The following ALDH1A3 variants were observed in gnomAD, a reference collection of about 807,000 sequenced individuals.
ALDH1A3 encodes the protein retinaldehyde dehydrogenase 3.
Under a neutral mutation model 57.5 loss-of-function variants are expected in ALDH1A3, and 28 were observed. The ratio of observed to expected loss-of-function variants is 0.49; its 90% confidence interval spans 0.36 to 0.67. ALDH1A3 has a LOEUF of 0.67. Among genes scored for constraint, ALDH1A3 ranks in the 30% least tolerant of loss-of-function variants. ALDH1A3 has a pLI of 0.00. For synonymous variants in ALDH1A3, 281 were observed against 264.8 expected (o/e 1.06, Z -0.59); for missense variants, 507 against 669.4 (o/e 0.76, Z 2.68).
At chr15:100,883,939 C>T (rs1350615940) in intron 1 of ALDH1A3, among the ~76,000 whole-genome samples, 1 of 152,184 alleles carries the variant, frequency 6.6e-6, no homozygotes, top group Non-Finnish European at 1.5e-5. Flanking sequence ...TTGAGGGACG[C>T]AATTCTTCCT....
At position 100,898,074 on chromosome 15, in the gene ALDH1A3, G is replaced by C. The variant is rs779992150; in HGVS notation, c.781-9G>C. 38 of 1,613,000 alleles carry C rather than the reference G, an allele frequency of 2.4e-5. No homozygotes were observed. The highest frequency in any genetic ancestry group is 3.2e-5 in the Non-Finnish European group (38 of 1,179,050). ...CAAGGTAAATTGTGATCTGTGTTCT[G>C]TCCTGGAGGTTGGAAAACTGGTTAA... On this transcript the variant is annotated splice_polypyrimidine_tract_variant and intron_variant, in intron 7 of 12. Coordinates refer to ENST00000329841, the MANE Select transcript of ALDH1A3 (RefSeq NM_000693.4).
chr15:100,907,910 A>G (rs1296948493), intron 11 of ALDH1A3, among the ~76,000 whole-genome samples: 1 of 122,738 alleles, frequency 8.1e-6, no homozygotes, highest in Admixed American at 1.1e-4. Flanking sequence ...GTGCAGTGGC[A>G]CACTCTCGGC....
At position 100,895,449 on chromosome 15, in the gene ALDH1A3, CAA is replaced by C. The variant is rs796542093; in HGVS notation, c.667-471_667-470del. On this transcript the variant is annotated intron_variant, in intron 6 of 12. Transcript: ENST00000329841. The stretch of plus-strand genomic sequence containing the variant: ...AGGGCGACAGAGCAAGACTCCATCT[CAA>C]AAAAAAAAAAAAGAAGAAAAAACAA... 669 of 131,682 alleles carry C rather than the reference CAA, an allele frequency of 5.1e-3. 10 individuals carry two copies. Among genetic ancestry groups the C allele is most frequent in the East Asian group, 0.026 (120 of 4,612 alleles). The allele number at this position is 131,682 out of a possible 1,614,324, so 8.2% of individuals were successfully genotyped here.
At chr15:100,897,575 C>T (rs1484962578) in intron 7 of ALDH1A3, among the ~76,000 whole-genome samples, 1 of 152,248 alleles carries the variant, frequency 6.6e-6, no homozygotes, top group Non-Finnish European at 1.5e-5. Flanking sequence ...TCCTTCTCAT[C>T]CGGAAGGCTG....
At chr15:100,886,088 G>A (rs1454438968) in intron 2 of ALDH1A3, among the ~76,000 whole-genome samples, 2 of 152,242 alleles carry the variant, frequency 1.3e-5, no homozygotes, top group Non-Finnish European at 2.9e-5. Context: ...GATGTTCTTG[G>A]TCAGCAAACT....
Position 100,908,398 on chromosome 15 carries a change from T to C in ALDH1A3, c.1392-10T>C. 6.2e-7 allele frequency: 1 copy of C among 1,612,838 alleles called. No individual in the cohort carries two copies. The highest frequency in any genetic ancestry group is 8.5e-7 in the Non-Finnish European group (1 of 1,178,910). ...CAGATGACTCTGAGCTTTCTTCCAT[T>C]CTTTTCTAGGATCAACTGCTACAAC... is the stretch of plus-strand genomic sequence containing the variant. On this transcript the variant is annotated splice_polypyrimidine_tract_variant and intron_variant, in intron 11 of 12. Coordinates refer to ENST00000329841, the MANE Select transcript of ALDH1A3 (RefSeq NM_000693.4).
At chr15:100,910,634 C>A (rs373628286) in intron 12 of ALDH1A3, among the ~76,000 whole-genome samples, 1 of 152,232 alleles carries the variant, frequency 6.6e-6, no homozygotes, top group Non-Finnish European at 1.5e-5. Context: ...TTGGACCCAC[C>A]GCAGTGCAGG....
Position 100,894,471 on chromosome 15 carries a change from C to G in ALDH1A3, c.666+389C>G, listed in dbSNP as rs541262692. The G allele has an allele frequency of 1.0e-5, 2 of 198,822 alleles. No individual in the cohort carries two copies. Among genetic ancestry groups the G allele is most frequent in the Admixed American group, 1.1e-4 (2 of 18,870 alleles). 12.3% of individuals were successfully genotyped at this position (198,822 alleles called of 1,614,324 possible). A position where few individuals can be genotyped will look rare whatever the true frequency, so the allele number is the denominator to read the frequency against. On this transcript the variant is annotated intron_variant, in intron 6 of 12. Transcript: ENST00000329841. The surrounding 1 kb of genome is among the most constrained non-coding windows in gnomAD (Gnocchi z 4.5). ...TTCTCTGGAGAGGTGGCCTCGTCAG[C>G]TCTAGCTGGGCGGCTGCAGCAGTCC...
intron 1 of ALDH1A3, among the ~76,000 whole-genome samples, chr15:100,882,186 C>T (rs983435104): frequency 3.3e-5 from 5 of 152,214 alleles, no homozygotes; most frequent in African/African-American, 1.2e-4. Context: ...CCATCTGAGC[C>T]CTAGCCCCGG....
chr15:100,889,428 C>T lies in ALDH1A3; in HGVS notation c.345+1716C>T, dbSNP rs2041627334. ...TCAGCCCGGCCAGTCCACATGTTCC[C>T]CGGGTGAGAGTAGCTCCCTCCCAGG... is the stretch of plus-strand genomic sequence containing the variant. On this transcript the variant is annotated intron_variant, in intron 3 of 12. Transcript: ENST00000329841. The surrounding 1 kb of genome is among the most constrained non-coding windows in gnomAD (Gnocchi z 5.1). Among the ~76,000 whole-genome samples the T allele has an allele frequency of 6.6e-6, 1 of 152,174 alleles. No homozygotes were observed. Among genetic ancestry groups the T allele is most frequent in the Admixed American group, 6.5e-5 (1 of 15,282 alleles).
chr15:100,909,744 G>C (rs2041865190), intron 12 of ALDH1A3, among the ~76,000 whole-genome samples: 1 of 152,340 alleles, frequency 6.6e-6, no homozygotes, highest in South Asian at 2.1e-4. Flanking sequence ...CAACCCGGGA[G>C]TGGAGATGTG....
At chr15:100,903,393 T>G (rs2041790738) in intron 9 of ALDH1A3, among the ~76,000 whole-genome samples, 1 of 152,226 alleles carries the variant, frequency 6.6e-6, no homozygotes, top group African/African-American at 2.4e-5. Flanking sequence ...CCTGCCTGAT[T>G]CTTTTTCACA....
Position 100,894,329 on chromosome 15 carries a change from T to C in ALDH1A3, c.666+247T>C, listed in dbSNP as rs918628975. 2.3e-5 allele frequency: 10 copies of C among 427,956 alleles called. No homozygotes were observed. Among genetic ancestry groups the C allele is most frequent in the Admixed American group, 7.8e-5 (2 of 25,742 alleles). The allele number at this position is 427,956 out of a possible 1,614,324, so 26.5% of individuals were successfully genotyped here. On this transcript the variant is annotated intron_variant, in intron 6 of 12. Coordinates refer to ENST00000329841, the MANE Select transcript of ALDH1A3 (RefSeq NM_000693.4). This position sits in a 1 kb window ranked among gnomAD's most constrained non-coding sequence, Gnocchi z 4.5. ...AACTCTTATTATGGGCTCAAACCTA[T>C]GGTTGAGGACCCAGTGGTTTGTCTA...
chr15:100,907,749 CCAGGAAG>C (rs1461640934), intron 11 of ALDH1A3, among the ~76,000 whole-genome samples: 1 of 151,918 alleles, frequency 6.6e-6, no homozygotes, highest in Non-Finnish European at 1.5e-5. Flanking sequence ...AATCATATAA[CCAGGAAG>C]CAGGAGAACT....
chr15:100,885,182 T>TA, intron 1 of ALDH1A3, 85 bp from the exon 2 acceptor site: 2 of 940,814 alleles, frequency 2.1e-6, no homozygotes, highest in Non-Finnish European at 3.4e-6. Context: ...ACAAGATGGA[T>TA]AAGACGTCAC....
chr15:100,886,782 C>T (rs138707372), intron 2 of ALDH1A3, among the ~76,000 whole-genome samples: 1 of 152,348 alleles, frequency 6.6e-6, no homozygotes, highest in East Asian at 1.9e-4. Context: ...TCCAGTTCTG[C>T]TCCCATGGGG....
At chr15:100,913,464 C>T (rs2041902218) in intron 12 of ALDH1A3, 1 of 152,244 alleles carries the variant, frequency 6.6e-6, no homozygotes, top group Non-Finnish European at 1.5e-5. Context: ...AAAGCCAGCA[C>T]TGCTGCTCTC....
intron 12 of ALDH1A3, among the ~76,000 whole-genome samples, chr15:100,911,979 A>G (rs910234249): frequency 6.6e-6 from 1 of 152,146 alleles, no homozygotes; most frequent in South Asian, 2.1e-4. Context: ...TGTGCATTTT[A>G]TTTGCATACA....
At chr15:100,888,419 T>C (rs1405965911) in intron 3 of ALDH1A3, 1 of 152,218 alleles carries the variant, frequency 6.6e-6, no homozygotes, top group Non-Finnish European at 1.5e-5. Flanking sequence ...TTAACTCCCT[T>C]TTAAACTTAA....
Sources: gnomAD v4.1 joint callset for allele counts (sites outside exome capture counted in the v4.1 genomes callset) on GRCh38, gnomAD v4.1.1 for gene constraint, Gnocchi (gnomAD v3.1) non-coding constraint, MANE v1.5 for transcripts, NCBI Gene and HGNC (gene_info 2026-07-23, HGNC 2026-07-21) for gene names.